The following SLC4A10 variants were observed in gnomAD, a reference collection of about 807,000 sequenced individuals.
SLC4A10 encodes the protein solute carrier family 4 member 10.
Under a neutral mutation model 137.7 loss-of-function variants are expected in SLC4A10, and 42 were observed. The observed-to-expected ratio is 0.30, with a 90% CI of 0.24 to 0.39. SLC4A10 has a LOEUF of 0.39. Among genes scored for constraint, SLC4A10 ranks in the 10% least tolerant of loss-of-function variants. SLC4A10 has a pLI of 1.00. For synonymous variants in SLC4A10, 474 were observed against 464.1 expected (o/e 1.02, Z -0.27); for missense variants, 925 against 1,355.0 (o/e 0.68, Z 4.98).
intron 1 of SLC4A10, among the ~76,000 whole-genome samples, chr2:161,648,453 A>G (rs1247804147): frequency 6.6e-6 from 1 of 152,224 alleles, no homozygotes; most frequent in Non-Finnish European, 1.5e-5. Context: ...TTACTGTGAT[A>G]TTTATTGGAG....
intron 15 of SLC4A10, among the ~76,000 whole-genome samples, chr2:161,924,258 C>A (rs1688673616): frequency 6.6e-6 from 1 of 151,546 alleles, no homozygotes; most frequent in South Asian, 2.1e-4. Context: ...GGATTTTTTT[C>A]TCACATTTTT....
intron 15 of SLC4A10, among the ~76,000 whole-genome samples, chr2:161,918,868 G>A (rs984878702): frequency 6.6e-6 from 1 of 152,182 alleles, no homozygotes; most frequent in African/African-American, 2.4e-5. Flanking sequence ...AGGAAAAGGT[G>A]GAAGCCCCGC....
intron 2 of SLC4A10, among the ~76,000 whole-genome samples, chr2:161,784,888 C>A (rs866592134): frequency 1.4e-5 from 2 of 147,684 alleles, no homozygotes; most frequent in Non-Finnish European, 1.5e-5. Context: ...ATAGGAAGAA[C>A]TAGCAAAGAT....
chr2:161,743,646 T>A (rs6714082), intron 1 of SLC4A10, among the ~76,000 whole-genome samples: 34,393 of 151,898 alleles, frequency 0.23, 4,702 homozygotes, highest in African/African-American at 0.39. Context: ...TATACATTTT[T>A]GGATTTTTTT....
At chr2:161,951,627 A>G (rs1694819821) in intron 19 of SLC4A10, among the ~76,000 whole-genome samples, 9 of 152,186 alleles carry the variant, frequency 5.9e-5, no homozygotes, top group Admixed American at 5.9e-4. Context: ...ATCGTGGGGT[A>G]GTTGCCAGCT....
At chr2:161,784,963 T>C (rs2053463105) in intron 2 of SLC4A10, among the ~76,000 whole-genome samples, 1 of 151,394 alleles carries the variant, frequency 6.6e-6, no homozygotes, top group Non-Finnish European at 1.5e-5. Flanking sequence ...AATTGGGTTT[T>C]TTTTTAAAAG....
intron 15 of SLC4A10, among the ~76,000 whole-genome samples, chr2:161,911,287 G>T (rs1325323107): frequency 6.6e-6 from 1 of 151,870 alleles, no homozygotes; most frequent in Non-Finnish European, 1.5e-5. Context: ...TTGTTAATAT[G>T]CAATAAAGGT....
chr2:161,770,764 A>C (rs1418346347), intron 1 of SLC4A10, among the ~76,000 whole-genome samples: 1 of 151,908 alleles, frequency 6.6e-6, no homozygotes, highest in East Asian at 1.9e-4. Flanking sequence ...TGTTATAAAA[A>C]ACCAGATGAT....
At chr2:161,848,677 G>T (rs2059640800) in intron 4 of SLC4A10, among the ~76,000 whole-genome samples, 1 of 152,088 alleles carries the variant, frequency 6.6e-6, no homozygotes, top group Non-Finnish European at 1.5e-5. Context: ...CTTTGTTGAA[G>T]ATCAGATGGT....
At chr2:161,756,899 G>T (rs1417425056) in intron 1 of SLC4A10, among the ~76,000 whole-genome samples, 1 of 152,102 alleles carries the variant, frequency 6.6e-6, no homozygotes. Flanking sequence ...TTCAGAAAGA[G>T]ATCTGGAATG....
chr2:161,739,955 A>T (rs987144889), intron 1 of SLC4A10, among the ~76,000 whole-genome samples: 1 of 152,108 alleles, frequency 6.6e-6, no homozygotes, highest in Admixed American at 6.6e-5. Context: ...GTCATGCCTT[A>T]TATGGGCATC....
At chr2:161,806,268 A>G (rs1321974518) in intron 3 of SLC4A10, among the ~76,000 whole-genome samples, 1 of 152,072 alleles carries the variant, frequency 6.6e-6, no homozygotes. Flanking sequence ...TGGGTCTGTG[A>G]TGGGAGGGGC....
At chr2:161,887,601 G>A (rs185051769) in intron 10 of SLC4A10, among the ~76,000 whole-genome samples, 5 of 152,232 alleles carry the variant, frequency 3.3e-5, no homozygotes, top group Admixed American at 3.3e-4. Context: ...CCACATAAAT[G>A]TCTTCTTTTG....
intron 11 of SLC4A10, among the ~76,000 whole-genome samples, chr2:161,899,454 C>A (rs765026989): frequency 6.6e-6 from 1 of 152,002 alleles, no homozygotes; most frequent in Non-Finnish European, 1.5e-5. Context: ...AAAATACATA[C>A]GAGAACAATG....
At chr2:161,819,013 C>G (rs368098037) in intron 3 of SLC4A10, among the ~76,000 whole-genome samples, 7 of 152,206 alleles carry the variant, frequency 4.6e-5, no homozygotes, top group African/African-American at 1.7e-4. Context: ...GGGAGGATTC[C>G]TTCTTTTTCT....
chr2:161,955,325 CTG>C (rs1695465007), intron 19 of SLC4A10, among the ~76,000 whole-genome samples: 1 of 152,196 alleles, frequency 6.6e-6, no homozygotes, highest in Non-Finnish European at 1.5e-5. Context: ...CCTGGCAAAA[CTG>C]TTTCCTATGC....
chr2:161,828,941 A>T (rs912902708), intron 3 of SLC4A10, among the ~76,000 whole-genome samples: 11 of 150,016 alleles, frequency 7.3e-5, no homozygotes, highest in South Asian at 4.3e-4. Context: ...CTATTAGAAT[A>T]ATTCTATTAG....
In SLC4A10 at chr2:161,903,992, C is replaced by T. The variant is rs750496551; in HGVS notation, c.1443-12C>T. 7.7e-6 allele frequency: 12 copies of T among 1,554,644 alleles called. No homozygotes were observed. In the Admixed American group the frequency reaches 7.9e-5, roughly 10 times the overall value. ...TTTGGGTTTCACTATTGTGTTTTCC[C>T]CCCTGTCTTAGGATTTTTGGGGGAC... is the stretch of plus-strand genomic sequence containing the variant. On this transcript the variant is annotated splice_polypyrimidine_tract_variant and intron_variant, in intron 12 of 26. Transcript: ENST00000446997.
At chr2:161,657,122 GA>G (rs67146003) in intron 1 of SLC4A10, among the ~76,000 whole-genome samples, 132,359 of 151,956 alleles carry the variant, frequency 0.87, 58,266 homozygotes, top group East Asian at 1. Flanking sequence ...CAGCATTTTA[GA>G]ATAATTTTCC....
Sources: gnomAD v4.1 joint callset for allele counts (sites outside exome capture counted in the v4.1 genomes callset) on GRCh38, gnomAD v4.1.1 for gene constraint, MANE v1.5 for transcripts, NCBI Gene and HGNC (gene_info 2026-07-23, HGNC 2026-07-21) for gene names.